ARSG: variants seen among roughly 807,000 people sequenced by gnomAD.
ARSG encodes arylsulfatase G, also known as ASG.
Under a neutral mutation model 50.5 loss-of-function variants are expected in ARSG, and 37 were observed. The observed-to-expected ratio is 0.73, with a 90% CI of 0.56 to 0.96. The LOEUF (loss-of-function observed/expected upper bound fraction) is 0.96, where lower values mean the gene tolerates loss of function less well. Among genes scored for constraint, ARSG ranks in the 50% least tolerant of loss-of-function variants. The pLI is 0.00. For missense variants in ARSG, 629 were observed against 675.3 expected (o/e 0.93, Z 0.76); for synonymous variants, 225 against 254.6 (o/e 0.88, Z 1.11).
At chr17:68,317,657 G>A (rs1490233911) in intron 2 of ARSG, among the ~76,000 whole-genome samples, 2 of 152,160 alleles carry the variant, frequency 1.3e-5, no homozygotes, top group African/African-American at 4.8e-5. Flanking sequence ...CTTGTGGGAT[G>A]TCATTTTGCC....
rs758609680 is a variant in ARSG at position 68,402,283 on chromosome 17, C to T, written c.1303+833C>T. Among the ~76,000 whole-genome samples the T allele has an allele frequency of 2.1e-4, 32 of 152,208 alleles. 1 individual carries two copies. The Middle Eastern group carries it at 0.01, about 49-fold the overall frequency. On this transcript the variant is annotated intron_variant, in intron 11 of 11. Transcript: ENST00000621439. ...GTTTTGAGACAGAGTCTCGCTCTGT[C>T]GCCCAGGATGGAGTGCAGTGGCGTC... is the stretch of plus-strand genomic sequence containing the variant.
intron 2 of ARSG, among the ~76,000 whole-genome samples, chr17:68,314,616 C>T (rs896383869): frequency 1.1e-4 from 16 of 150,860 alleles, no homozygotes; most frequent in African/African-American, 3.7e-4. Flanking sequence ...CTGAAGCACA[C>T]GGATCCCTTA....
chr17:68,439,813 T>C, the ARSG span, among the ~76,000 whole-genome samples: 1 of 152,200 alleles, frequency 6.6e-6, no homozygotes, highest in South Asian at 2.1e-4. Context: ...GCTACCGTGA[T>C]ATAGAGGTCT....
Position 68,321,438 on chromosome 17 carries a change from C to T in ARSG, c.218+13727C>T, listed in dbSNP as rs189453114. Among the ~76,000 whole-genome samples the T allele has an allele frequency of 2.3e-3, 343 of 152,250 alleles. 1 individual carries two copies. Among genetic ancestry groups the T allele is most frequent in the African/African-American group, 7.9e-3 (328 of 41,546 alleles). Reference sequence around the variant, plus strand: ...TTTTATTTCAGCTACTTTCCAGTTCCCATCTCCCAACCCTGTCCCTTTACA... The same window carrying T: ...TTTTATTTCAGCTACTTTCCAGTTCTCATCTCCCAACCCTGTCCCTTTACA... On this transcript the variant is annotated intron_variant, in intron 2 of 11. Transcript: ENST00000621439.
chr17:68,415,277 C>T (rs1283896301), intron 11 of ARSG, among the ~76,000 whole-genome samples: 1 of 152,144 alleles, frequency 6.6e-6, no homozygotes, highest in East Asian at 1.9e-4. Flanking sequence ...TCATTTTTGA[C>T]TCAATGATCA....
At chr17:68,335,713 C>T (rs1187299035) in intron 2 of ARSG, among the ~76,000 whole-genome samples, 1 of 152,018 alleles carries the variant, frequency 6.6e-6, no homozygotes, top group African/African-American at 2.4e-5. Flanking sequence ...TTGAACTAGG[C>T]CTTGAAGACA....
intron 11 of ARSG, among the ~76,000 whole-genome samples, chr17:68,403,618 A>G (rs1337762042): frequency 6.6e-6 from 1 of 152,232 alleles, no homozygotes; most frequent in Non-Finnish European, 1.5e-5. Flanking sequence ...TGAGGATATG[A>G]TGTTATGGTC....
chr17:68,347,778 T>C (rs2078579997), intron 4 of ARSG, among the ~76,000 whole-genome samples: 1 of 152,222 alleles, frequency 6.6e-6, no homozygotes, highest in African/African-American at 2.4e-5. Context: ...TAGGAAGCCG[T>C]GGACTTTCTC....
Position 68,356,826 on chromosome 17 carries a change from G to T in ARSG, c.704+22G>T, listed in dbSNP as rs181029007. 1.2e-4 allele frequency: 191 copies of T among 1,613,804 alleles called. 1 individual carries two copies. In the Admixed American group the frequency reaches 3.1e-3, roughly 26 times the overall value. ...CAAGGTGAGGAGTCTCCCTCCCTCC[G>T]CAGGGCCTCCCCCTGCCTCCACCTA... is the stretch of plus-strand genomic sequence containing the variant. On this transcript the variant is annotated intron_variant, in intron 6 of 11. Coordinates refer to ENST00000621439, the MANE Select transcript of ARSG (RefSeq NM_001267727.2).
chr17:68,449,182 T>C, the ARSG span, among the ~76,000 whole-genome samples: 3 of 152,252 alleles, frequency 2.0e-5, no homozygotes, highest in African/African-American at 7.2e-5. Context: ...CTTAATTGAA[T>C]AGATAAATCT....
chr17:68,347,935 T>C (rs891977400), intron 4 of ARSG, among the ~76,000 whole-genome samples: 1 of 152,220 alleles, frequency 6.6e-6, no homozygotes, highest in Non-Finnish European at 1.5e-5. Flanking sequence ...CCTATCTCTA[T>C]GGAAAACGGC....
intron 2 of ARSG, among the ~76,000 whole-genome samples, chr17:68,313,680 TC>T (rs2076954170): frequency 1.4e-5 from 1 of 72,998 alleles, no homozygotes; most frequent in African/African-American, 6.5e-5. Flanking sequence ...TCTCTCTCTC[TC>T]TCTTTTTTTT....
chr17:68,425,994 G>T, downstream of ARSG: 1 of 1,064,656 alleles, frequency 9.4e-7, no homozygotes, highest in South Asian at 1.3e-5. Context: ...CAGGGAAAGG[G>T]ACTCTGCCTC....
At chr17:68,259,452 A>G (rs1444638280) in intron 1 of ARSG, 1 of 152,194 alleles carries the variant, frequency 6.6e-6, no homozygotes, top group East Asian at 1.9e-4. Flanking sequence ...TCTCAAGTAG[A>G]GCATTTAAAA....
chr17:68,426,213 G>C, downstream of ARSG: 2 of 1,293,484 alleles, frequency 1.5e-6, no homozygotes, highest in Non-Finnish European at 2.2e-6. Flanking sequence ...AAGCACTGGG[G>C]ATCTGCTTTT....
intron 1 of ARSG, chr17:68,268,411 T>C (rs1255257497): frequency 7.2e-6 from 1 of 139,636 alleles, no homozygotes; most frequent in Non-Finnish European, 1.5e-5. Context: ...AATCTTCACA[T>C]TTATGAAGTT....
chr17:68,396,070 G>A (rs1163309277), intron 10 of ARSG, among the ~76,000 whole-genome samples: 1 of 149,780 alleles, frequency 6.7e-6, no homozygotes, highest in Non-Finnish European at 1.5e-5. Context: ...GTGCAGTGGT[G>A]TGATCTCAGC....
intron 11 of ARSG, among the ~76,000 whole-genome samples, chr17:68,403,227 G>T (rs2081556621): frequency 6.6e-6 from 1 of 152,186 alleles, no homozygotes; most frequent in South Asian, 2.1e-4. Flanking sequence ...TTATCTAAGA[G>T]GTATGGGACC....
upstream of ARSG, among the ~76,000 whole-genome samples, chr17:68,290,848 G>A (rs2075961619): frequency 2.0e-5 from 3 of 152,180 alleles, no homozygotes; most frequent in South Asian, 6.2e-4. Flanking sequence ...CTGTACCAGG[G>A]TCACGGACAT....
Sources: gnomAD v4.1 joint callset for allele counts (sites outside exome capture counted in the v4.1 genomes callset) on GRCh38, gnomAD v4.1.1 for gene constraint, MANE v1.5 for transcripts, NCBI Gene and HGNC (gene_info 2026-07-23, HGNC 2026-07-21) for gene names.